PIK3C2B: variants seen among roughly 807,000 people sequenced by gnomAD.
The protein encoded by PIK3C2B is phosphatidylinositol-4-phosphate 3-kinase catalytic subunit type 2 beta, also known as phosphatidylinositol 4-phosphate 3-kinase C2 domain-containing subunit beta.
In PIK3C2B, 83 loss-of-function variants were observed where a neutral mutation model predicts 184.3. That is an observed-to-expected ratio of 0.45 (90% CI 0.38 to 0.54). The LOEUF is 0.54. Ranked by LOEUF, PIK3C2B falls within the 20% of genes least tolerant of loss-of-function variation. PIK3C2B has a pLI of 0.00. For synonymous variants in PIK3C2B, 779 were observed against 837.6 expected (o/e 0.93, Z 1.21); for missense variants, 1,736 against 2,113.5 (o/e 0.82, Z 3.50).
intron 26 of PIK3C2B, among the ~76,000 whole-genome samples, chr1:204,432,847 C>T (rs1006142019): frequency 3.3e-5 from 5 of 152,176 alleles, no homozygotes; most frequent in African/African-American, 1.2e-4. Flanking sequence ...ACATTATCTA[C>T]AGGGACCACA....
chr1:204,445,040 C>T (rs765578759), intron 16 of PIK3C2B, among the ~76,000 whole-genome samples: 2 of 152,104 alleles, frequency 1.3e-5, no homozygotes, highest in South Asian at 2.1e-4. Context: ...AGACTGGAAG[C>T]CTTGGGTCCC....
At chr1:204,458,783 C>T (rs950139932) in intron 8 of PIK3C2B, among the ~76,000 whole-genome samples, 3 of 152,048 alleles carry the variant, frequency 2.0e-5, no homozygotes, top group African/African-American at 4.8e-5. Flanking sequence ...CGTGAGCCAC[C>T]GCACCTGGCC....
At chr1:204,427,571 G>T (rs937322463) in intron 31 of PIK3C2B, 77 bp downstream of exon 31, 1 of 913,144 alleles carries the variant, frequency 1.1e-6, no homozygotes. Flanking sequence ...ATGACACGCG[G>T]CAGAGAAGGT....
chr1:204,425,013 C>T lies in PIK3C2B; in HGVS notation c.4744G>A (p.Asp1582Asn). 1.2e-6 allele frequency: 2 copies of T among 1,613,982 alleles called. No individual in the cohort carries two copies. The highest frequency in any genetic ancestry group is 1.7e-6 in the Non-Finnish European group (2 of 1,179,886). The stretch of plus-strand genomic sequence containing the variant: ...AGCTGGAGCTCCCGCTGCTGCAGGT[C>T]ACCCTTGGGGATCCCATCATATACC... ...MLVYDGIPKG[D>N]LQQRELQLSV... Residue 1582 changes from aspartate to asparagine, a missense_variant, in exon 33 of 33, where the codon GAC becomes AAC. By Grantham distance (23) the Asp-to-Asn change is conservative. Coordinates refer to ENST00000684373, the MANE Select transcript of PIK3C2B (RefSeq NM_001377334.1).
rs61755372 is a variant in PIK3C2B at position 204,460,599 on chromosome 1, C to T, written c.1373G>A (p.Arg458Gln). The T allele has an allele frequency of 1.0e-3, 1,624 of 1,614,020 alleles. 5 individuals carry two copies. Among genetic ancestry groups the T allele is most frequent in the Admixed American group, 1.3e-3 (76 of 60,018 alleles). ...AACCTTCTGCTCCATCAGCTGTAGC[C>T]GAATGTCAATGTCAAACTTGCGGCA... The part of the protein sequence containing the change: ...QYCRKFDIDI[R>Q]LQLMEQKVVR... The change falls in exon 6 of 33, where the codon CGG (arginine) becomes CAG (glutamine). Residue 458 changes from arginine (R) to glutamine (Q), a missense_variant. Arg to Gln is a conservative substitution (Grantham distance 43, BLOSUM62 1). This residue lies in a region of PIK3C2B where 609 missense variants were observed against 699.2 expected (regional missense o/e 0.87). Transcript: ENST00000684373.
chr1:204,449,986 G>A lies in PIK3C2B; in HGVS notation c.2098C>T (p.Pro700Ser). Residue 700 changes from proline (P) to serine (S), a missense_variant, in exon 13 of 33, where the codon CCT (proline) becomes TCT (serine). Pro to Ser is a moderately conservative substitution (Grantham distance 74). Transcript: ENST00000684373. ...ICFPVQVNRL[P>S]RETLLCATLY... is the part of the protein sequence containing the mutation. ...GTGGCACACAGCAGTGTCTCCCGAG[G>A]CAGCCGGTTCACCTGCACTGGGAAG... 1 of 1,589,684 alleles carries A rather than the reference G, an allele frequency of 6.3e-7. No individual in the cohort carries two copies. Among genetic ancestry groups the A allele is most frequent in the Non-Finnish European group, 8.6e-7 (1 of 1,167,438 alleles).
chr1:204,434,082 TC>T (rs1675216063), intron 24 of PIK3C2B, 133 bp from the exon 25 acceptor site: 1 of 706,800 alleles, frequency 1.4e-6, no homozygotes, highest in Admixed American at 2.6e-5. Flanking sequence ...CTAACTTTTT[TC>T]TTTGTTCCTT....
At chr1:204,477,002 A>G (rs149680817) in intron 1 of PIK3C2B, among the ~76,000 whole-genome samples, 11 of 152,338 alleles carry the variant, frequency 7.2e-5, no homozygotes, top group African/African-American at 2.6e-4. Flanking sequence ...TTACCATTTA[A>G]AAGTAAGATG....
intron 1 of PIK3C2B, among the ~76,000 whole-genome samples, chr1:204,474,376 C>A (rs1656550126): frequency 6.6e-6 from 1 of 152,098 alleles, no homozygotes; most frequent in Non-Finnish European, 1.5e-5. Flanking sequence ...TTTCCAAATT[C>A]TCCCTTCCCA....
chr1:204,432,604 A>G (rs1675124210), intron 26 of PIK3C2B, among the ~76,000 whole-genome samples: 1 of 152,148 alleles, frequency 6.6e-6, no homozygotes. Context: ...CCAGGGTCTT[A>G]TCTCCTCCCC....
chr1:204,493,684 C>T (rs1658166693), intron 1 of PIK3C2B, among the ~76,000 whole-genome samples: 1 of 152,168 alleles, frequency 6.6e-6, no homozygotes, highest in Admixed American at 6.5e-5. Context: ...GGCAGCCTTG[C>T]TTGTGCTTCC....
intron 12 of PIK3C2B, among the ~76,000 whole-genome samples, chr1:204,452,078 G>A (rs1466650768): frequency 6.6e-6 from 1 of 152,088 alleles, no homozygotes; most frequent in African/African-American, 2.4e-5. Context: ...AGTCTCATTC[G>A]GGGCTTCTGG....
At chr1:204,432,460 C>A in intron 26 of PIK3C2B, 59 bp from the exon 27 acceptor site, 1 of 1,360,932 alleles carries the variant, frequency 7.3e-7, no homozygotes, top group Non-Finnish European at 1.0e-6. Flanking sequence ...GCTGCCTCGA[C>A]AGGGGTGTTC....
At chr1:204,483,166 A>G (rs532257469) in intron 1 of PIK3C2B, among the ~76,000 whole-genome samples, 27 of 152,170 alleles carry the variant, frequency 1.8e-4, no homozygotes, top group Non-Finnish European at 2.9e-5. Context: ...TCACAACTGC[A>G]ATCCCAGCAT....
intron 12 of PIK3C2B, among the ~76,000 whole-genome samples, chr1:204,454,375 G>A (rs920141160): frequency 2.6e-5 from 4 of 151,694 alleles, no homozygotes; most frequent in African/African-American, 7.3e-5. Context: ...CCAGCTACTC[G>A]GGAGGCTGAG....
rs752976460 is a variant in PIK3C2B at position 204,444,094 on chromosome 1, G to A, written c.2841C>T (p.Asp947=). Residue 947 remains aspartate, a synonymous_variant, in exon 18 of 33, where the codon GAC becomes GAT. Transcript: ENST00000684373. The part of the protein sequence containing the change: ...VRFLLKRAVS[D]LRVTHYFFWL... ...AGAAGAAGTAGTGAGTCACTCTCAA[G>A]TCAGACACAGCTCGTTTCAGGAGGA... 12 of 1,613,128 alleles carry A rather than the reference G, an allele frequency of 7.4e-6. No homozygotes were observed. In the African/African-American group the frequency reaches 1.1e-4, roughly 14 times the overall value.
At chr1:204,444,262 A>G (rs1653654142) in intron 17 of PIK3C2B, 69 bp downstream of exon 17, 3 of 1,471,764 alleles carry the variant, frequency 2.0e-6, no homozygotes, top group South Asian at 1.1e-5. Flanking sequence ...TCTAAGGGGC[A>G]GAATGCAGAC....
At chr1:204,464,967 A>G (rs995338139) in intron 3 of PIK3C2B, among the ~76,000 whole-genome samples, 1 of 152,112 alleles carries the variant, frequency 6.6e-6, no homozygotes, top group Admixed American at 6.5e-5. Flanking sequence ...AGGGCAACTG[A>G]GGGTCAGACT....
chr1:204,455,354 G>A (rs893811022), intron 11 of PIK3C2B, among the ~76,000 whole-genome samples: 2 of 152,102 alleles, frequency 1.3e-5, no homozygotes, highest in Non-Finnish European at 2.9e-5. Flanking sequence ...CGGCAGGGGC[G>A]GGGTAGGGCC....
Sources: allele counts gnomAD v4.1 joint callset (sites outside exome capture counted in the v4.1 genomes callset), GRCh38; gene constraint gnomAD v4.1.1; regional missense constraint gnomAD v4.1.1; transcripts MANE v1.5; gene names NCBI Gene and HGNC (gene_info 2026-07-23, HGNC 2026-07-21).